The following UGT1A9 variants were observed in gnomAD, a reference collection of about 807,000 sequenced individuals.
UGT1A9 encodes UDP-glucuronosyltransferase 1A9.
UGT1A9 carries 35 observed loss-of-function variants against 45.0 expected under a neutral mutation model. The ratio of observed to expected loss-of-function variants is 0.78; its 90% CI spans 0.59 to 1.03. The LOEUF (loss-of-function observed/expected upper bound fraction) is 1.03. Among genes scored for constraint, UGT1A9 ranks in the 50% least tolerant of loss-of-function variants. The probability of loss-of-function intolerance (pLI) is 0.00; values close to 1 mark genes in which losing one functional copy is unlikely to be tolerated. For missense variants in UGT1A9, 687 were observed against 666.6 expected, an observed-to-expected ratio of 1.03 and a Z score of -0.34; for synonymous variants, 278 against 250.6, an observed-to-expected ratio of 1.11 and a Z score of -1.03.
intron 1 of UGT1A9, among the ~76,000 whole-genome samples, chr2:233,727,631 C>T (rs2077634197): frequency 1.3e-5 from 2 of 152,112 alleles, no homozygotes; most frequent in East Asian, 1.9e-4. Context: ...AGGTTGCACC[C>T]ACAGCTGAGA....
intron 1 of UGT1A9, chr2:233,682,660 A>G (rs1394125690): frequency 6.2e-7 from 1 of 1,613,880 alleles, no homozygotes; most frequent in Admixed American, 1.7e-5. Context: ...CTGTCACGGC[A>G]TATGATCTCT....
At chr2:233,730,125 A>G (rs2077990033) in intron 1 of UGT1A9, 5 of 1,544,888 alleles carry the variant, frequency 3.2e-6, no homozygotes, top group Non-Finnish European at 4.4e-6. Flanking sequence ...TTGTCATAAT[A>G]GCCTTCAGTG....
intron 1 of UGT1A9, chr2:233,690,896 T>A: frequency 1.9e-6 from 2 of 1,035,856 alleles, no homozygotes; most frequent in Non-Finnish European, 2.3e-6. Context: ...AGGGATGGTA[T>A]GCATAGTGAT....
At chr2:233,686,122 T>A (rs558315313) in intron 1 of UGT1A9, among the ~76,000 whole-genome samples, 1 of 152,234 alleles carries the variant, frequency 6.6e-6, no homozygotes, top group East Asian at 1.9e-4. Flanking sequence ...ACCCTTACCT[T>A]GTATCATATA....
At chr2:233,732,500 A>G (rs1425812715) in intron 1 of UGT1A9, among the ~76,000 whole-genome samples, 1 of 152,238 alleles carries the variant, frequency 6.6e-6, no homozygotes, top group Non-Finnish European at 1.5e-5. Context: ...GGCGTAAGGA[A>G]GGGATCCTGT....
rs1178018823 is a variant in UGT1A9, at chr2:233,724,688, G to A, written c.856-42346G>A. 1.4e-5 allele frequency among the ~76,000 whole-genome samples: 2 copies of A among 144,826 alleles called. 1 individual carries two copies. Among genetic ancestry groups the A allele is most frequent in the Non-Finnish European group, 3.0e-5 (2 of 66,424 alleles). On this transcript the variant is annotated intron_variant, in intron 1 of 4. Transcript: ENST00000354728. ...TCACTTCCTAGATGGGATGGCGGCC[G>A]GGTGAAGACGCTCCTCGCTTTCCAG...
intron 1 of UGT1A9, among the ~76,000 whole-genome samples, chr2:233,744,939 T>C (rs1164592780): frequency 6.6e-6 from 1 of 151,916 alleles, no homozygotes; most frequent in Non-Finnish European, 1.5e-5. Context: ...AATGACACAG[T>C]ATTTGTATAT....
In UGT1A9 at chr2:233,723,736, A is replaced by ACGAG. The variant is rs2077123858; in HGVS notation, c.856-43296_856-43293dup. 4.0e-5 allele frequency among the ~76,000 whole-genome samples: 3 copies of ACGAG among 75,838 alleles called. No homozygotes were observed. The South Asian group carries it at 1.9e-3, about 47-fold the overall frequency. 49.8% of individuals were successfully genotyped at this position (75,838 alleles called of 152,430 possible). ...GATTAGGGATTGGTGATGACTCTTA[A>ACGAG]CGAGCATGCTGCCTTCAAGCATCTG... On this transcript the variant is annotated intron_variant, in intron 1 of 4. Transcript: ENST00000354728.
At chr2:233,690,556 G>A (rs1318268552) in intron 1 of UGT1A9, 1 of 1,289,304 alleles carries the variant, frequency 7.8e-7, no homozygotes, top group East Asian at 5.6e-5. Flanking sequence ...TATGTCCCAA[G>A]CCTGAGTCAT....
intron 4 of UGT1A9, 66 bp downstream of exon 4, chr2:233,768,505 A>G (rs1285600562): frequency 6.4e-7 from 1 of 1,563,990 alleles, no homozygotes; most frequent in Non-Finnish European, 8.7e-7. Flanking sequence ...TTCAAATATG[A>G]AAACATTTAC....
intron 1 of UGT1A9, among the ~76,000 whole-genome samples, chr2:233,684,647 T>A (rs1458462010): frequency 6.6e-6 from 1 of 152,170 alleles, no homozygotes; most frequent in African/African-American, 2.4e-5. Flanking sequence ...AATATATGCA[T>A]TTATATGCCT....
intron 1 of UGT1A9, chr2:233,743,248 A>G (rs1692247141): frequency 2.3e-6 from 1 of 432,126 alleles, no homozygotes; most frequent in Non-Finnish European, 4.4e-6. Flanking sequence ...ACTTTAACTC[A>G]ACTCTCCATC....
At position 233,772,470 on chromosome 2, in the gene UGT1A9, A is replaced by G. The variant is rs1372118451; in HGVS notation, c.1504A>G (p.Ile502Val). 4 of 1,614,038 alleles carry G rather than the reference A, an allele frequency of 2.5e-6. No homozygotes were observed. The Admixed American group carries it at 5.0e-5, about 20-fold the overall frequency. Residue 502 changes from isoleucine (I) to valine (V), a missense_variant, in exon 5 of 5, where the codon ATC becomes GTC. Coordinates refer to ENST00000354728, the MANE Select transcript of UGT1A9 (RefSeq NM_021027.3). Reference protein sequence around the residue: ...LLAVVLTVAFITFKCCAYGYR... With the variant: ...LLAVVLTVAFVTFKCCAYGYR... ...GGCCGTCGTGCTGACAGTGGCCTTC[A>G]TCACCTTTAAATGTTGTGCTTATGG...
intron 1 of UGT1A9, among the ~76,000 whole-genome samples, chr2:233,686,243 T>C (rs921662746): frequency 6.6e-6 from 1 of 150,822 alleles, no homozygotes; most frequent in African/African-American, 2.4e-5. Flanking sequence ...GGAAATGGTT[T>C]CTGAGATTTT....
At chr2:233,681,302 G>A (rs1444102489) in intron 1 of UGT1A9, among the ~76,000 whole-genome samples, 4 of 151,962 alleles carry the variant, frequency 2.6e-5, no homozygotes, top group African/African-American at 7.2e-5. Flanking sequence ...GGGAGGCCGA[G>A]ATGGGCAGAT....
At chr2:233,715,759 G>T (rs893076228) in intron 1 of UGT1A9, among the ~76,000 whole-genome samples, 2 of 152,150 alleles carry the variant, frequency 1.3e-5, no homozygotes, top group African/African-American at 4.8e-5. Context: ...GTGACAGAGC[G>T]AGGACCCATC....
chr2:233,719,068 C>G (rs1363775237), intron 1 of UGT1A9: 3 of 1,614,146 alleles, frequency 1.9e-6, no homozygotes, highest in Admixed American at 3.3e-5. Flanking sequence ...TATGCTGTTC[C>G]ATGGACCCAG....
intron 1 of UGT1A9, among the ~76,000 whole-genome samples, chr2:233,737,902 T>C (rs1690626433): frequency 6.6e-6 from 1 of 152,134 alleles, no homozygotes; most frequent in Non-Finnish European, 1.5e-5. Flanking sequence ...TCGAGTGTGG[T>C]AAAGAACAGG....
At chr2:233,693,268 G>C in intron 1 of UGT1A9, 1 of 1,614,110 alleles carries the variant, frequency 6.2e-7, no homozygotes, top group Non-Finnish European at 8.5e-7. Flanking sequence ...AAGAGCTGAA[G>C]AACCGTTACC....
Sources: allele counts gnomAD v4.1 joint callset (sites outside exome capture counted in the v4.1 genomes callset), GRCh38; gene constraint gnomAD v4.1.1; transcripts MANE v1.5; gene names NCBI Gene and HGNC (gene_info 2026-07-23, HGNC 2026-07-21).